BIRC6: variants seen among roughly 807,000 people sequenced by gnomAD.
BIRC6 encodes baculoviral IAP repeat containing 6, also known as dual E2 ubiquitin-conjugating enzyme/E3 ubiquitin-protein ligase BIRC6.
BIRC6 carries 98 observed loss-of-function variants against 503.3 expected under a neutral mutation model. The ratio of observed to expected loss-of-function variants is 0.19; its 90% CI spans 0.17 to 0.23. The LOEUF is 0.23. BIRC6 is among the 10% of genes least tolerant of loss of function. The probability of loss-of-function intolerance (pLI) is 1.00; values close to 1 mark genes in which losing one functional copy is unlikely to be tolerated. For synonymous variants in BIRC6, 2,240 were observed against 2,078.7 expected (o/e 1.08, Z -2.11); for missense variants, 5,360 against 5,806.0 (o/e 0.92, Z 2.50).
At chr2:32,376,634 ATC>A (rs1372942748) in intron 1 of BIRC6, among the ~76,000 whole-genome samples, 2 of 152,100 alleles carry the variant, frequency 1.3e-5, no homozygotes, top group East Asian at 1.9e-4. Context: ...ATTGTCACAA[ATC>A]TCTGAAATTT....
chr2:32,367,610 G>T (rs1188900465), intron 1 of BIRC6, among the ~76,000 whole-genome samples: 2 of 152,068 alleles, frequency 1.3e-5, no homozygotes, highest in African/African-American at 4.8e-5. Flanking sequence ...CAGTTCAGGA[G>T]TTTGAGACCA....
intron 22 of BIRC6, among the ~76,000 whole-genome samples, chr2:32,451,485 C>T (rs1284710079): frequency 6.6e-6 from 1 of 152,148 alleles, no homozygotes; most frequent in East Asian, 1.9e-4. Flanking sequence ...TCACTGTGCA[C>T]TTGTAATAAA....
chr2:32,382,409 TC>T (rs2037805021), intron 3 of BIRC6, among the ~76,000 whole-genome samples: 1 of 152,224 alleles, frequency 6.6e-6, no homozygotes, highest in Non-Finnish European at 1.5e-5. Context: ...CTGCATCATG[TC>T]CTTTGCTGAA....
rs776077060 is a variant in BIRC6, at chr2:32,525,453, T to C, written c.11756-11T>C. 4 of 1,613,688 alleles carry C rather than the reference T, an allele frequency of 2.5e-6. No individual in the cohort carries two copies. In the East Asian group the frequency reaches 6.7e-5, roughly 27 times the overall value. On this transcript the variant is annotated splice_polypyrimidine_tract_variant and intron_variant, in intron 58 of 73. Coordinates refer to ENST00000421745, the MANE Select transcript of BIRC6 (RefSeq NM_016252.4). ...TGACTATGTAGAATCTTACTGATCC[T>C]TTTCTTTTAGGGCTGAAGTCTCAAT... is the stretch of plus-strand genomic sequence containing the variant.
chr2:32,540,131 C>T (rs571588757), intron 61 of BIRC6, among the ~76,000 whole-genome samples: 15 of 152,152 alleles, frequency 9.9e-5, no homozygotes, highest in African/African-American at 3.6e-4. Flanking sequence ...GAATTGTAAT[C>T]AAACATACAG....
chr2:32,598,690 C>T (rs1490451550), intron 69 of BIRC6, among the ~76,000 whole-genome samples: 1 of 152,122 alleles, frequency 6.6e-6, no homozygotes, highest in Non-Finnish European at 1.5e-5. Flanking sequence ...GCAGCTAAAA[C>T]TATTGGCCCA....
intron 70 of BIRC6, among the ~76,000 whole-genome samples, chr2:32,600,110 TAAG>T (rs1226276360): frequency 2.0e-5 from 3 of 152,234 alleles, no homozygotes; most frequent in Non-Finnish European, 2.9e-5. Context: ...CTTACAGTCT[TAAG>T]AAGTTACTCG....
At chr2:32,461,078 CTCT>C (rs2047900520) in intron 23 of BIRC6, among the ~76,000 whole-genome samples, 1 of 4,154 alleles carries the variant, frequency 2.4e-4, no homozygotes, top group African/African-American at 8.6e-4. Context: ...TTCTCCTCTC[CTCT>C]CCTCTCCTCT....
At chr2:32,598,582 T>C (rs1052314379) in intron 69 of BIRC6, among the ~76,000 whole-genome samples, 1 of 152,230 alleles carries the variant, frequency 6.6e-6, no homozygotes, top group African/African-American at 2.4e-5. Context: ...AAGAGTCTGC[T>C]GCATCAAGAA....
At position 32,429,071 on chromosome 2, in the gene BIRC6, C is replaced by T. The variant is rs79775569; in HGVS notation, c.2873-75C>T. The T allele has an allele frequency of 5.0e-3, 6,309 of 1,255,584 alleles. 255 individuals carry two copies. In the African/African-American group the frequency reaches 0.089, roughly 18 times the overall value. 77.8% of individuals were successfully genotyped at this position (1,255,584 alleles called of 1,614,324 possible). A position where few individuals can be genotyped will look rare whatever the true frequency, so the allele number is the denominator to read the frequency against. On this transcript the variant is annotated intron_variant, in intron 10 of 73. Transcript: ENST00000421745. ...CCTATGAAGTGACATTCAGTTGTTTCCTAAGTAGTATTACATTTGAATATT... is the reference window on the plus strand; with the variant it reads ...CCTATGAAGTGACATTCAGTTGTTTTCTAAGTAGTATTACATTTGAATATT...
At chr2:32,380,576 A>T (rs1038224856) in intron 3 of BIRC6, among the ~76,000 whole-genome samples, 100 of 152,184 alleles carry the variant, frequency 6.6e-4, no homozygotes, top group Non-Finnish European at 1.5e-5. Context: ...AAAATACTAA[A>T]ATTAGCCAGG....
intron 1 of BIRC6, among the ~76,000 whole-genome samples, chr2:32,365,285 C>G (rs532849322): frequency 6.6e-6 from 1 of 151,566 alleles, no homozygotes; most frequent in African/African-American, 2.4e-5. Flanking sequence ...CTGATACATA[C>G]AGAATACTGC....
chr2:32,552,174 C>G (rs1398400094), intron 65 of BIRC6, among the ~76,000 whole-genome samples: 1 of 152,158 alleles, frequency 6.6e-6, no homozygotes, highest in Admixed American at 6.5e-5. Flanking sequence ...TTTCTTATTA[C>G]TGTCCCACAC....
intron 41 of BIRC6, 50 bp downstream of exon 41, chr2:32,487,851 G>A (rs375930631): frequency 3.4e-5 from 51 of 1,486,396 alleles, no homozygotes; most frequent in Non-Finnish European, 4.5e-5. Flanking sequence ...TGTTAGCCTG[G>A]TAAAAGATGA....
chr2:32,442,783 G>A (rs1286387669), intron 19 of BIRC6, among the ~76,000 whole-genome samples: 1 of 152,020 alleles, frequency 6.6e-6, no homozygotes, highest in African/African-American at 2.4e-5. Flanking sequence ...GCCCTAAAGT[G>A]TTTTCTCTGT....
At chr2:32,450,711 C>G (rs1390649978) in intron 22 of BIRC6, among the ~76,000 whole-genome samples, 4 of 152,112 alleles carry the variant, frequency 2.6e-5, no homozygotes, top group African/African-American at 7.2e-5. Flanking sequence ...TTCCAGGACT[C>G]CTCGCAGACA....
At chr2:32,409,433 G>A (rs907737577) in intron 9 of BIRC6, among the ~76,000 whole-genome samples, 3 of 152,172 alleles carry the variant, frequency 2.0e-5, no homozygotes, top group Non-Finnish European at 4.4e-5. Flanking sequence ...TGGGATTACA[G>A]GTGTGAGCCA....
At chr2:32,568,982 CTCT>C (rs1559072452) in intron 65 of BIRC6, among the ~76,000 whole-genome samples, 4 of 131,336 alleles carry the variant, frequency 3.0e-5, no homozygotes, top group Non-Finnish European at 3.3e-5. Context: ...CCATGTCTCT[CTCT>C]TTTTTTTTTT....
intron 57 of BIRC6, among the ~76,000 whole-genome samples, chr2:32,520,669 T>C (rs888324352): frequency 2.0e-5 from 3 of 151,904 alleles, no homozygotes; most frequent in Admixed American, 1.3e-4. Flanking sequence ...ATACAAAAAT[T>C]AGTTGGGTAT....
Sources: allele counts gnomAD v4.1 joint callset (sites outside exome capture counted in the v4.1 genomes callset), GRCh38; gene constraint gnomAD v4.1.1; transcripts MANE v1.5; gene names NCBI Gene and HGNC (gene_info 2026-07-23, HGNC 2026-07-21).